Variants in CSMD2 observed in about 807,000 individuals in gnomAD.
The protein encoded by CSMD2 is CUB and sushi domain-containing protein 2.
In CSMD2, 130 loss-of-function variants were observed where a neutral mutation model predicts 398.5. That is an observed-to-expected ratio of 0.33 (90% CI 0.28 to 0.38). The LOEUF is 0.38. Ranked by LOEUF, CSMD2 falls within the 10% of genes least tolerant of loss-of-function variation. The probability of loss-of-function intolerance (pLI) is 1.00; values close to 1 mark genes in which losing one functional copy is unlikely to be tolerated. For missense variants in CSMD2, 3,829 were observed against 4,764.9 expected, an observed-to-expected ratio of 0.80 and a Z score of 5.78; for synonymous variants, 1,828 against 1,908.5, an observed-to-expected ratio of 0.96 and a Z score of 1.10.
intron 2 of CSMD2, among the ~76,000 whole-genome samples, chr1:34,073,996 G>T (rs993637779): frequency 6.6e-6 from 1 of 152,154 alleles, no homozygotes; most frequent in African/African-American, 2.4e-5. Context: ...ACAGAGATGG[G>T]GCAGGTGCCC....
At chr1:34,161,437 G>T (rs761816731) in intron 1 of CSMD2, among the ~76,000 whole-genome samples, 1 of 152,194 alleles carries the variant, frequency 6.6e-6, no homozygotes, top group African/African-American at 2.4e-5. Flanking sequence ...AAAGTACAAA[G>T]AATTAAATGC....
chr1:33,676,765 T>C (rs941925310), intron 25 of CSMD2, among the ~76,000 whole-genome samples: 3 of 152,128 alleles, frequency 2.0e-5, no homozygotes, highest in African/African-American at 7.2e-5. Context: ...AACAGAGATA[T>C]AGACCAATAG....
Position 33,550,318 on chromosome 1 carries a change from G to A in CSMD2, c.8776C>T (p.His2926Tyr). 3 of 1,614,164 alleles carry A rather than the reference G, an allele frequency of 1.9e-6. No individual in the cohort carries two copies. Among genetic ancestry groups the A allele is most frequent in the Non-Finnish European group, 2.5e-6 (3 of 1,179,978 alleles). ...TAACTGTCTCCAGACATCTGGGAGT[G>A]AGGCGGGGAGCCCGGATGGCCACAG... ...VSCGHPGSPPHSQMSGDSYTV... is the reference protein window; with the variant it reads ...VSCGHPGSPPYSQMSGDSYTV... Residue 2926 changes from histidine (H) to tyrosine (Y), a missense_variant, in exon 56 of 71, where the codon CAC becomes TAC. Physicochemically the swap from His to Tyr is moderately conservative, Grantham distance 83. Around this residue, in one of 5 missense-constraint regions of CSMD2, gnomAD observed 917 missense variants for 1,199.5 expected, o/e 0.76. Transcript: ENST00000373381.
rs145158388 is a variant in CSMD2, at chr1:33,943,558, T to A, written c.518-7604A>T. On this transcript the variant is annotated intron_variant, in intron 3 of 70. Transcript: ENST00000373381. Reference sequence around the variant, plus strand: ...GCTCCCTCTGTTCATTTTGTTAATGTTGCAATCTCACAAGCCCACATTTTA... The same window carrying A: ...GCTCCCTCTGTTCATTTTGTTAATGATGCAATCTCACAAGCCCACATTTTA... Among the ~76,000 whole-genome samples the A allele has an allele frequency of 7.7e-3, 1,176 of 152,344 alleles. 12 individuals carry two copies. The highest frequency in any genetic ancestry group is 0.026 in the African/African-American group (1,101 of 41,562).
intron 32 of CSMD2, among the ~76,000 whole-genome samples, chr1:33,632,367 A>G (rs1642513605): frequency 6.6e-6 from 1 of 152,128 alleles, no homozygotes; most frequent in South Asian, 2.1e-4. Flanking sequence ...GGCTTTTTAT[A>G]GCATATTATA....
Position 33,819,747 on chromosome 1 carries a change from A to C in CSMD2, c.1290T>G (p.Phe430Leu). The change falls in exon 9 of 71, where the codon TTT becomes TTG. Residue 430 changes from phenylalanine to leucine, a missense_variant. By Grantham distance (22) the Phe-to-Leu change is conservative. Coordinates refer to ENST00000373381, the MANE Select transcript of CSMD2 (RefSeq NM_001281956.2). Reference sequence around the variant, plus strand: ...CTGGCCTGTGGTCGCTCCAGGCCGCAAACATGTCGCTCACTTTCATACAGG... The same window carrying C: ...CTGGCCTGTGGTCGCTCCAGGCCGCCAACATGTCGCTCACTTTCATACAGG... Reference protein sequence around the residue: ...RITCMKVSDMFAAWSDHRPVC... With the variant: ...RITCMKVSDMLAAWSDHRPVC... The C allele has an allele frequency of 6.2e-7, 1 of 1,613,980 alleles. No homozygotes were observed. Among genetic ancestry groups the C allele is most frequent in the South Asian group, 1.1e-5 (1 of 91,058 alleles).
chr1:33,945,114 G>C (rs1402840821), intron 3 of CSMD2, among the ~76,000 whole-genome samples: 1 of 151,858 alleles, frequency 6.6e-6, no homozygotes, highest in African/African-American at 2.4e-5. Flanking sequence ...CCTAACCACA[G>C]AACCCATGGC....
At chr1:33,578,387 G>A (rs555181070) in intron 48 of CSMD2, among the ~76,000 whole-genome samples, 1 of 152,054 alleles carries the variant, frequency 6.6e-6, no homozygotes, top group Non-Finnish European at 1.5e-5. Flanking sequence ...AGACCAACCT[G>A]GCCAAAATGG....
intron 19 of CSMD2, among the ~76,000 whole-genome samples, chr1:33,720,680 C>G (rs1258973879): frequency 6.6e-6 from 1 of 152,128 alleles, no homozygotes; most frequent in Non-Finnish European, 1.5e-5. Context: ...TGAGGCTGTG[C>G]CAGCTATTTT....
At chr1:34,024,756 T>C (rs577546489) in intron 3 of CSMD2, among the ~76,000 whole-genome samples, 113 of 152,328 alleles carry the variant, frequency 7.4e-4, no homozygotes, top group Middle Eastern at 3.4e-3. Context: ...TGTTCTGGCC[T>C]GGAGTGGCTT....
At chr1:33,854,933 G>A (rs1638968863) in intron 5 of CSMD2, among the ~76,000 whole-genome samples, 1 of 152,146 alleles carries the variant, frequency 6.6e-6, no homozygotes, top group African/African-American at 2.4e-5. Flanking sequence ...AAGGTCTAGG[G>A]GTGGCTTGGT....
chr1:33,706,858 C>T (rs12129021), intron 22 of CSMD2, among the ~76,000 whole-genome samples: 47,490 of 151,112 alleles, frequency 0.31, 8,296 homozygotes, highest in Middle Eastern at 0.47. Context: ...GCATTGTGTG[C>T]GTGTGCATGT....
intron 15 of CSMD2, among the ~76,000 whole-genome samples, chr1:33,727,303 G>C (rs1195891392): frequency 6.6e-6 from 1 of 152,164 alleles, no homozygotes; most frequent in African/African-American, 2.4e-5. Context: ...ACAGGACACT[G>C]GGAGGCCTAG....
chr1:33,810,840 C>G lies in CSMD2; in HGVS notation c.1349G>C (p.Arg450Pro), dbSNP rs767977412. 1.2e-6 allele frequency: 2 copies of G among 1,612,002 alleles called. No individual in the cohort carries two copies. Among genetic ancestry groups the G allele is most frequent in the Admixed American group, 3.3e-5 (2 of 59,784 alleles). ...GGAGGTGATGATGCCCGAGGGGCCT[C>G]GAAGGTGGGCATCACACATGCGGGC... The part of the protein sequence containing the change: ...CRARMCDAHL[R>P]GPSGIITSPN... The change falls in exon 10 of 71, where the codon CGA becomes CCA. Residue 450 changes from arginine (R) to proline (P), a missense_variant. Physicochemically the swap from Arg to Pro is moderately radical, Grantham distance 103. Coordinates refer to ENST00000373381, the MANE Select transcript of CSMD2 (RefSeq NM_001281956.2).
chr1:33,840,101 A>G (rs1247102146), intron 6 of CSMD2: 1 of 152,244 alleles, frequency 6.6e-6, no homozygotes, highest in East Asian at 1.9e-4. Context: ...AGGATCTGGC[A>G]TGGTAAATGG....
intron 13 of CSMD2, among the ~76,000 whole-genome samples, chr1:33,755,860 G>T (rs527523984): frequency 1.3e-5 from 2 of 151,472 alleles, no homozygotes; most frequent in South Asian, 2.1e-4. Context: ...GGGGAGGGGG[G>T]TCTCACTATG....
At position 34,123,794 on chromosome 1, in the gene CSMD2, C is replaced by T. The variant is rs375085702; in HGVS notation, c.188-34601G>A. ...ATGATTGTTGTTGTGTTGGTGGTGG[C>T]TGTGTGAGAGCAGGAAAAAAAAACA... On this transcript the variant is annotated intron_variant, in intron 1 of 70. Coordinates refer to ENST00000373381, the MANE Select transcript of CSMD2 (RefSeq NM_001281956.2). 1.7e-3 allele frequency among the ~76,000 whole-genome samples: 264 copies of T among 151,710 alleles called. 1 individual carries two copies. Among genetic ancestry groups the T allele is most frequent in the African/African-American group, 6.0e-3 (248 of 41,310 alleles).
chr1:34,074,351 C>T (rs1350001286), intron 2 of CSMD2, among the ~76,000 whole-genome samples: 4 of 152,194 alleles, frequency 2.6e-5, no homozygotes, highest in Non-Finnish European at 5.9e-5. Context: ...AGAAATGTAT[C>T]GAGCTCCTCA....
At chr1:33,724,348 G>C in intron 18 of CSMD2, 35 bp from the exon 19 acceptor site, 1 of 1,559,510 alleles carries the variant, frequency 6.4e-7, no homozygotes, top group Non-Finnish European at 8.8e-7. Context: ...TGAAAGACCA[G>C]AGGGCCTCAG....
Sources: gnomAD v4.1 joint callset for allele counts (sites outside exome capture counted in the v4.1 genomes callset) on GRCh38, gnomAD v4.1.1 for gene constraint, gnomAD v4.1.1 regional missense constraint, MANE v1.5 for transcripts, NCBI Gene and HGNC (gene_info 2026-07-23, HGNC 2026-07-21) for gene names.